TIFA: variants seen among roughly 807,000 people sequenced by gnomAD.
TIFA encodes TRAF interacting protein with forkhead associated domain, also known as TRAF-interacting protein with FHA domain-containing protein A.
For missense variants in TIFA, 186 were observed against 215.2 expected (o/e 0.86, Z 0.85); for synonymous variants, 75 against 79.2 (o/e 0.95, Z 0.28).
At chr4:112,278,763 T>C (rs1178699244) in intron 1 of TIFA, among the ~76,000 whole-genome samples, 1 of 152,146 alleles carries the variant, frequency 6.6e-6, no homozygotes, top group Non-Finnish European at 1.5e-5. Flanking sequence ...TTCACCTAAA[T>C]AGAGTGACTT....
rs1187221003 is a variant in TIFA at position 112,278,382 on chromosome 4, G to A, written c.35C>T (p.Thr12Ile). ...TSFEDADTEE[T>I]VTCLQMTVYH... ...AACCGTCATCTGGAGACAAGTTACT[G>A]TCTCTTCTGTGTCAGCATCTTCAAA... The change falls in exon 2 of 2, where the codon ACA becomes ATA. Residue 12 changes from threonine (T) to isoleucine (I), a missense_variant. By Grantham distance (89) the Thr-to-Ile change is moderately conservative. Transcript: ENST00000361717. 6.3e-7 allele frequency: 1 copy of A among 1,589,474 alleles called. No homozygotes were observed. The highest frequency in any genetic ancestry group is 1.2e-5 in the South Asian group (1 of 86,748).
intron 1 of TIFA, among the ~76,000 whole-genome samples, chr4:112,284,308 C>T (rs1432496181): frequency 1.3e-5 from 2 of 151,796 alleles, no homozygotes; most frequent in Non-Finnish European, 2.9e-5. Context: ...CACACACACA[C>T]ACACACGTAC....
Position 112,285,891 on chromosome 4 carries a change from G to A in TIFA, c.-270C>T, listed in dbSNP as rs537585963. The A allele has an allele frequency of 6.6e-6, 1 of 152,382 alleles. No individual in the cohort carries two copies. Among genetic ancestry groups the A allele is most frequent in the South Asian group, 2.1e-4 (1 of 4,832 alleles). The allele number at this position is 152,382 out of a possible 1,614,324, so 9.4% of individuals were successfully genotyped here. Reference sequence around the variant, plus strand: ...GGCAGAGCACGTCCTCTCGCGCCCGGGGCCTTTGTAAAGAGCGCAGCGGTG... The same window carrying A: ...GGCAGAGCACGTCCTCTCGCGCCCGAGGCCTTTGTAAAGAGCGCAGCGGTG... On this transcript the variant is annotated 5_prime_UTR_variant, in exon 1 of 2. Coordinates refer to ENST00000361717, the MANE Select transcript of TIFA (RefSeq NM_052864.3).
chr4:112,285,248 C>T (rs901089763), intron 1 of TIFA, among the ~76,000 whole-genome samples: 3 of 152,102 alleles, frequency 2.0e-5, no homozygotes, highest in South Asian at 4.2e-4. Context: ...GCTTGGCCAC[C>T]GAGAGCGTGG....
At chr4:112,284,545 T>C (rs1249805131) in intron 1 of TIFA, among the ~76,000 whole-genome samples, 2 of 152,190 alleles carry the variant, frequency 1.3e-5, no homozygotes, top group Non-Finnish European at 2.9e-5. Context: ...TAAAACAGGA[T>C]TGACCAAACT....
intron 1 of TIFA, among the ~76,000 whole-genome samples, chr4:112,280,343 C>CTTT (rs34544244): frequency 2.3e-4 from 18 of 76,758 alleles, no homozygotes; most frequent in East Asian, 1.1e-3. Flanking sequence ...CTGGCATTTC[C>CTTT]TTTTTTTTTT....
chr4:112,277,683 AGGTGACTAAG>A lies in TIFA; in HGVS notation c.*169_*178del. 2 of 397,850 alleles carry A rather than the reference AGGTGACTAAG, an allele frequency of 5.0e-6. No individual in the cohort carries two copies. Among genetic ancestry groups the A allele is most frequent in the South Asian group, 1.1e-4 (1 of 9,086 alleles). 24.6% of individuals were successfully genotyped at this position (397,850 alleles called of 1,614,324 possible). ...ATTTTGTGTAGATCCAGAATACAAC[AGGTGACTAAG>A]TTAATGACTAACACAATTTACAGAC... is the stretch of plus-strand genomic sequence containing the variant. On this transcript the variant is annotated 3_prime_UTR_variant, in exon 2 of 2. Coordinates refer to ENST00000361717, the MANE Select transcript of TIFA (RefSeq NM_052864.3).
intron 1 of TIFA, among the ~76,000 whole-genome samples, chr4:112,281,018 T>A (rs766465090): frequency 1.3e-5 from 2 of 152,204 alleles, no homozygotes; most frequent in African/African-American, 2.4e-5. Flanking sequence ...ACTATAATTA[T>A]GATAATAAAG....
chr4:112,278,465 T>C, intron 1 of TIFA, 31 bp from the exon 2 acceptor site: 1 of 1,503,694 alleles, frequency 6.7e-7, no homozygotes, highest in South Asian at 1.4e-5. Context: ...TGTTAGTTTC[T>C]GCTTATGCTT....
chr4:112,284,309 ACAC>A (rs1174990168), intron 1 of TIFA, among the ~76,000 whole-genome samples: 75 of 151,762 alleles, frequency 4.9e-4, no homozygotes, highest in African/African-American at 1.7e-3. Context: ...ACACACACAC[ACAC>A]ACGTACACAC....
At chr4:112,278,778 C>G (rs543461879) in intron 1 of TIFA, among the ~76,000 whole-genome samples, 4 of 151,864 alleles carry the variant, frequency 2.6e-5, no homozygotes, top group South Asian at 2.1e-4. Flanking sequence ...TGACTTGAGC[C>G]CAGAGAAAAT....
intron 1 of TIFA, among the ~76,000 whole-genome samples, chr4:112,284,302 C>G (rs948789741): frequency 3.3e-5 from 5 of 152,014 alleles, no homozygotes; most frequent in African/African-American, 1.2e-4. Context: ...CACACACACA[C>G]ACACACACAC....
In TIFA at chr4:112,278,075, C is replaced by T; in HGVS notation, c.342G>A (p.Arg114=). 3 of 1,613,998 alleles carry T rather than the reference C, an allele frequency of 1.9e-6. No homozygotes were observed. Among genetic ancestry groups the T allele is most frequent in the Non-Finnish European group, 2.5e-6 (3 of 1,179,974 alleles). Residue 114 remains arginine, a synonymous_variant, in exon 2 of 2, where the codon AGG becomes AGA. Coordinates refer to ENST00000361717, the MANE Select transcript of TIFA (RefSeq NM_052864.3). Reference sequence around the variant, plus strand: ...GATACTCTCCGAATCTGACCATGCACCTGTATGGCAGGTCCATTTTATTTA... The same window carrying T: ...GATACTCTCCGAATCTGACCATGCATCTGTATGGCAGGTCCATTTTATTTA... ...GYLNKMDLPY[R]CMVRFGEYQF... is the part of the protein sequence containing the mutation.
intron 1 of TIFA, among the ~76,000 whole-genome samples, chr4:112,283,614 T>G (rs2110507637): frequency 6.6e-6 from 1 of 152,302 alleles, no homozygotes; most frequent in South Asian, 2.1e-4. Context: ...TTGTTAGATT[T>G]TAAAAAATCA....
chr4:112,274,736 G>A lies in TIFA; in HGVS notation c.*3126C>T, dbSNP rs1578429589. ...TTACACATATAAATTTTTTTTTAAT[G>A]TAAAGCTTAAGTGAACACATACCTG... On this transcript the variant is annotated 3_prime_UTR_variant, in exon 2 of 2. Transcript: ENST00000361717. The A allele has an allele frequency of 6.6e-6, 1 of 151,878 alleles. No individual in the cohort carries two copies. The allele number at this position is 151,878 out of a possible 1,614,324, so 9.4% of individuals were successfully genotyped here.
Position 112,278,286 on chromosome 4 carries a change from C to T in TIFA, c.131G>A (p.Ser44Asn). The T allele has an allele frequency of 6.2e-7, 1 of 1,614,112 alleles. No individual in the cohort carries two copies. Among genetic ancestry groups the T allele is most frequent in the Non-Finnish European group, 8.5e-7 (1 of 1,180,006 alleles). Reference sequence around the variant, plus strand: ...ATTTCGGCCAAATTTCACCACTTCGCTGGAAGGGAGTTTCTCTCTGTTAAA... The same window carrying T: ...ATTTCGGCCAAATTTCACCACTTCGTTGGAAGGGAGTTTCTCTCTGTTAAA... ...ISFNREKLPS[S>N]EVVKFGRNSN... The change falls in exon 2 of 2, where the codon AGC becomes AAC. Residue 44 changes from serine (S) to asparagine (N), a missense_variant. Transcript: ENST00000361717.
In TIFA at chr4:112,275,101, G is replaced by GACC. The variant is rs749400195; in HGVS notation, c.*2758_*2760dup. On this transcript the variant is annotated 3_prime_UTR_variant, in exon 2 of 2. Coordinates refer to ENST00000361717, the MANE Select transcript of TIFA (RefSeq NM_052864.3). ...TTGTTTGCCCCACCCCCACCCCTGT[G>GACC]ACCATTTTTTTGAGAAAATGCTGTA... 1.1e-4 allele frequency: 17 copies of GACC among 150,974 alleles called. No homozygotes were observed. The highest frequency in any genetic ancestry group is 1.2e-4 in the Non-Finnish European group (8 of 67,802). The allele number at this position is 150,974 out of a possible 1,614,324, so 9.4% of individuals were successfully genotyped here. A position where few individuals can be genotyped will look rare whatever the true frequency, so the allele number is the denominator to read the frequency against.
At chr4:112,282,900 G>A (rs10026284) in intron 1 of TIFA, among the ~76,000 whole-genome samples, 89,127 of 151,998 alleles carry the variant, frequency 0.59, 27,298 homozygotes, top group African/African-American at 0.78. Context: ...AGGACGTTTT[G>A]TGCCCCCTTC....
chr4:112,278,517 A>G, intron 1 of TIFA, 83 bp from the exon 2 acceptor site: 1 of 1,160,812 alleles, frequency 8.6e-7, no homozygotes, highest in African/African-American at 1.5e-5. Context: ...GATGAACATC[A>G]TCTGATAGGC....
Sources: allele counts gnomAD v4.1 joint callset (sites outside exome capture counted in the v4.1 genomes callset), GRCh38; gene constraint gnomAD v4.1.1; transcripts MANE v1.5; gene names NCBI Gene and HGNC (gene_info 2026-07-23, HGNC 2026-07-21).